The following UBN2 variants were observed in gnomAD, a reference collection of about 807,000 sequenced individuals.
UBN2 encodes ubinuclein 2, also known as ubinuclein-2.
UBN2 carries 35 observed loss-of-function variants against 120.2 expected under a neutral mutation model. The observed-to-expected ratio is 0.29, with a 90% CI of 0.22 to 0.39. UBN2 has a LOEUF of 0.39. Ranked by LOEUF, UBN2 falls within the 10% of genes least tolerant of loss-of-function variation. The pLI is 1.00. For synonymous variants in UBN2, 661 were observed against 648.7 expected (o/e 1.02, Z -0.29); for missense variants, 1,693 against 1,663.2 (o/e 1.02, Z -0.31).
At chr7:139,264,300 A>G (rs545990851) in intron 6 of UBN2, among the ~76,000 whole-genome samples, 5 of 152,142 alleles carry the variant, frequency 3.3e-5, no homozygotes, top group South Asian at 4.2e-4. Context: ...GACTATATCT[A>G]TGGTTATTTT....
rs1273342655 is a variant in UBN2 at position 139,231,301 on chromosome 7, C to T, written c.-184C>T. Among the ~76,000 whole-genome samples, 1 of 152,236 alleles carries T rather than the reference C, an allele frequency of 6.6e-6. No individual in the cohort carries two copies. Among genetic ancestry groups the T allele is most frequent in the Admixed American group, 6.5e-5 (1 of 15,292 alleles). ...GGCGACCCTGGCGATGGCGGTGAAG[C>T]CCATCAGAACGTAGTAGCGGGGAAG... is the stretch of plus-strand genomic sequence containing the variant. On this transcript the variant is annotated 5_prime_UTR_variant, in exon 1 of 18. Coordinates refer to ENST00000473989, the MANE Select transcript of UBN2 (RefSeq NM_173569.4).
intron 2 of UBN2, among the ~76,000 whole-genome samples, chr7:139,240,245 A>G (rs919895560): frequency 2.0e-5 from 3 of 151,628 alleles, no homozygotes; most frequent in Admixed American, 1.3e-4. Flanking sequence ...ACCAAAAAGC[A>G]TGCCCAAGTG....
chr7:139,240,459 T>A (rs1305945597), intron 2 of UBN2, among the ~76,000 whole-genome samples: 84 of 146,352 alleles, frequency 5.7e-4, no homozygotes, highest in Non-Finnish European at 7.9e-4. Context: ...TATATATTTT[T>A]TTTTTTAAAT....
At chr7:139,295,465 C>T (rs751395268) in intron 17 of UBN2, among the ~76,000 whole-genome samples, 2 of 152,064 alleles carry the variant, frequency 1.3e-5, no homozygotes, top group Non-Finnish European at 2.9e-5. Context: ...ATGAATGTGG[C>T]CACCTGCAAG....
chr7:139,306,707 CA>C lies in UBN2; in HGVS notation c.*8874del, dbSNP rs1233171734. The stretch of plus-strand genomic sequence containing the variant: ...TTATTTCAGAAAGTATCAAAAATAC[CA>C]AATTGGTCTTTCAGAGAGTATGTAA... On this transcript the variant is annotated 3_prime_UTR_variant, in exon 18 of 18. Transcript: ENST00000473989. 1.3e-5 allele frequency: 2 copies of C among 152,090 alleles called. No homozygotes were observed. The highest frequency in any genetic ancestry group is 2.9e-5 in the Non-Finnish European group (2 of 68,014). 9.4% of individuals were successfully genotyped at this position (152,090 alleles called of 1,614,324 possible).
Position 139,231,891 on chromosome 7 carries a change from C to T in UBN2, c.407C>T (p.Pro136Leu). The T allele has an allele frequency of 1.3e-6, 2 of 1,586,714 alleles. No homozygotes were observed. Among genetic ancestry groups the T allele is most frequent in the Non-Finnish European group, 1.7e-6 (2 of 1,172,162 alleles). ...TVRLELVLKD[P>L]TDESCVEFSY... ...CGCCTGGAGCTGGTGCTTAAGGACC[C>T]CACCGACGAGAGCTGCGTGGAGTTC... The change falls in exon 1 of 18, where the codon CCC (proline) becomes CTC (leucine). Residue 136 changes from proline (P) to leucine (L), a missense_variant. Pro to Leu is a moderately conservative substitution (Grantham distance 98). Around this residue, in one of 5 missense-constraint regions of UBN2, gnomAD observed 663 missense variants for 591.2 expected, o/e 1.12. Transcript: ENST00000473989.
intron 2 of UBN2, among the ~76,000 whole-genome samples, chr7:139,242,816 G>A (rs1796358244): frequency 6.6e-6 from 1 of 152,210 alleles, no homozygotes; most frequent in African/African-American, 2.4e-5. Flanking sequence ...TTTGTGCTGT[G>A]TAGTCAGCTC....
chr7:139,309,837 C>T (rs1798425510), downstream of UBN2, among the ~76,000 whole-genome samples: 1 of 151,852 alleles, frequency 6.6e-6, no homozygotes, highest in African/African-American at 2.4e-5. Flanking sequence ...CGCCACTGCA[C>T]TCCATCCTGG....
At chr7:139,240,030 A>G (rs533315339) in intron 2 of UBN2, among the ~76,000 whole-genome samples, 30 of 152,352 alleles carry the variant, frequency 2.0e-4, no homozygotes, top group South Asian at 1.0e-3. Context: ...TGGCATAGAA[A>G]GATCAGCGTT....
At chr7:139,326,972 T>C in the UBN2 span, among the ~76,000 whole-genome samples, 1 of 152,210 alleles carries the variant, frequency 6.6e-6, no homozygotes, top group African/African-American at 2.4e-5. Flanking sequence ...TACCAGAAAA[T>C]TGTGAGAGGC....
At chr7:139,327,552 A>G in the UBN2 span, among the ~76,000 whole-genome samples, 1 of 152,204 alleles carries the variant, frequency 6.6e-6, no homozygotes, top group African/African-American at 2.4e-5. Flanking sequence ...ACTCACTTTT[A>G]TAACAAGCCC....
At chr7:139,295,514 C>T (rs987504958) in intron 17 of UBN2, among the ~76,000 whole-genome samples, 1 of 152,198 alleles carries the variant, frequency 6.6e-6, no homozygotes. Context: ...CAAAAAGACC[C>T]CAGTGTTCGC....
chr7:139,273,465 A>C, intron 10 of UBN2, 55 bp downstream of exon 10: 1 of 1,202,478 alleles, frequency 8.3e-7, no homozygotes, highest in Non-Finnish European at 1.1e-6. Flanking sequence ...AAGATTCCTC[A>C]TTAAAAAAAA....
At chr7:139,322,545 C>T in the UBN2 span, among the ~76,000 whole-genome samples, 1,511 of 151,050 alleles carry the variant, frequency 0.01, 31 homozygotes, top group African/African-American at 0.033. Context: ...ACTTCCAGGC[C>T]GGGGCAATCT....
At chr7:139,257,207 G>A (rs1027793676) in intron 3 of UBN2, among the ~76,000 whole-genome samples, 12 of 152,132 alleles carry the variant, frequency 7.9e-5, no homozygotes, top group African/African-American at 2.9e-4. Flanking sequence ...TATCAGGTGA[G>A]GTAATGATAA....
intron 15 of UBN2, among the ~76,000 whole-genome samples, chr7:139,289,430 T>TTTTTTTTTTTA (rs1797883087): frequency 6.6e-6 from 1 of 150,604 alleles, no homozygotes; most frequent in African/African-American, 2.5e-5. Context: ...TTTTTTTTTT[T>TTTTTTTTTTTA]GAGACAGGGT....
intron 1 of UBN2, among the ~76,000 whole-genome samples, chr7:139,232,676 T>G (rs1311662644): frequency 6.6e-6 from 1 of 152,210 alleles, no homozygotes; most frequent in Admixed American, 6.5e-5. Flanking sequence ...TCTCCTGTTT[T>G]ATTTGACACC....
In UBN2 at chr7:139,237,036, A is replaced by G; in HGVS notation, c.500A>G (p.Asn167Ser). ...CTCATTCACACAGAAGACCCATTTAATGATGAACATCAGGAGAGGCAAGAG... is the reference window on the plus strand; with the variant it reads ...CTCATTCACACAGAAGACCCATTTAGTGATGAACATCAGGAGAGGCAAGAG... ...KKLIHTEDPF[N>S]DEHQERQEVE... Residue 167 changes from asparagine to serine, a missense_variant, in exon 2 of 18, where the codon AAT becomes AGT. Asn to Ser is a conservative substitution (Grantham distance 46). Coordinates refer to ENST00000473989, the MANE Select transcript of UBN2 (RefSeq NM_173569.4). 6.2e-7 allele frequency: 1 copy of G among 1,611,370 alleles called. No individual in the cohort carries two copies. Among genetic ancestry groups the G allele is most frequent in the Non-Finnish European group, 8.5e-7 (1 of 1,178,222 alleles).
At position 139,258,498 on chromosome 7, in the gene UBN2, T is replaced by C; in HGVS notation, c.674T>C (p.Leu225Ser). The C allele has an allele frequency of 6.3e-7, 1 of 1,589,160 alleles. No homozygotes were observed. Among genetic ancestry groups the C allele is most frequent in the South Asian group, 1.1e-5 (1 of 87,288 alleles). Residue 225 changes from leucine to serine, a missense_variant, in exon 4 of 18, where the codon TTA (leucine) becomes TCA (serine). By Grantham distance (145) the Leu-to-Ser change is moderately radical. This residue lies in a region of UBN2 where 663 missense variants were observed against 591.2 expected (regional missense o/e 1.12). Coordinates refer to ENST00000473989, the MANE Select transcript of UBN2 (RefSeq NM_173569.4). ...TGTTTTTTAATCTAGTATGATGAATTAGTTCCCGCTTCTCTAACAACAAAA... is the reference window on the plus strand; with the variant it reads ...TGTTTTTTAATCTAGTATGATGAATCAGTTCCCGCTTCTCTAACAACAAAA... ...FIDNSEAYDE[L>S]VPASLTTKYG...
Sources: allele counts gnomAD v4.1 joint callset (sites outside exome capture counted in the v4.1 genomes callset), GRCh38; gene constraint gnomAD v4.1.1; regional missense constraint gnomAD v4.1.1; transcripts MANE v1.5; gene names NCBI Gene and HGNC (gene_info 2026-07-23, HGNC 2026-07-21).